Variants in UBR1 observed in about 807,000 individuals in gnomAD.
The protein encoded by UBR1 is ubiquitin protein ligase E3 component n-recognin 1, also known as E3 ubiquitin-protein ligase UBR1.
Under a neutral mutation model 242.1 loss-of-function variants are expected in UBR1, and 102 were observed. The ratio of observed to expected loss-of-function variants is 0.42; its 90% CI spans 0.36 to 0.50. UBR1 has a LOEUF of 0.50. Among genes scored for constraint, UBR1 ranks in the 20% least tolerant of loss-of-function variants. The pLI, the probability that UBR1 is intolerant of heterozygous loss-of-function variation, is 0.01. For synonymous variants in UBR1, 675 were observed against 684.8 expected (o/e 0.99, Z 0.22); for missense variants, 1,772 against 2,101.8 (o/e 0.84, Z 3.07).
At chr15:43,013,528 G>C (rs767277943) in intron 29 of UBR1, among the ~76,000 whole-genome samples, 2 of 152,142 alleles carry the variant, frequency 1.3e-5, no homozygotes, top group Non-Finnish European at 2.9e-5. Flanking sequence ...CAAAGAATTT[G>C]TTTCCAATAA....
Position 43,093,790 on chromosome 15 carries a change from C to CAA in UBR1, c.82-7552_82-7551dup, listed in dbSNP as rs35967267. Reference sequence around the variant, plus strand: ...GGGGAACAGAGTGAGGCTCCGTCTCCAAAAAAAAAAAAAAAAAAAAACCAA... The same window carrying CAA: ...GGGGAACAGAGTGAGGCTCCGTCTCCAAAAAAAAAAAAAAAAAAAAAAACCAA... On this transcript the variant is annotated intron_variant, in intron 1 of 46. Transcript: ENST00000290650. 5.2e-3 allele frequency among the ~76,000 whole-genome samples: 272 copies of CAA among 51,856 alleles called. 1 individual carries two copies. The highest frequency in any genetic ancestry group is 0.015 in the African/African-American group (202 of 13,772). The allele number at this position is 51,856 out of a possible 152,430, so 34.0% of individuals were successfully genotyped here.
At chr15:43,015,332 T>A (rs2033004124) in intron 29 of UBR1, among the ~76,000 whole-genome samples, 1 of 152,156 alleles carries the variant, frequency 6.6e-6, no homozygotes, top group Non-Finnish European at 1.5e-5. Context: ...CCTGTTGATC[T>A]ATGACCTTAC....
intron 33 of UBR1, among the ~76,000 whole-genome samples, chr15:42,995,281 T>C (rs1405538997): frequency 1.3e-5 from 2 of 152,076 alleles, no homozygotes; most frequent in Non-Finnish European, 2.9e-5. Flanking sequence ...AAAAAGAAAC[T>C]AAATTCACAT....
intron 23 of UBR1, 72 bp downstream of exon 23, chr15:43,026,489 A>G: frequency 6.0e-6 from 8 of 1,340,262 alleles, no homozygotes; most frequent in Non-Finnish European, 7.5e-6. Flanking sequence ...TAGAAAAAGC[A>G]GAAAATTTTC....
intron 29 of UBR1, among the ~76,000 whole-genome samples, chr15:43,011,319 A>G (rs2032920494): frequency 6.6e-6 from 1 of 152,218 alleles, no homozygotes; most frequent in African/African-American, 2.4e-5. Flanking sequence ...TCAACACTGC[A>G]CACTTCTCTA....
intron 29 of UBR1, among the ~76,000 whole-genome samples, chr15:43,013,320 T>C (rs1285942148): frequency 6.6e-6 from 1 of 152,190 alleles, no homozygotes; most frequent in Non-Finnish European, 1.5e-5. Flanking sequence ...TTATGTCTCC[T>C]CCCTTTTATC....
intron 1 of UBR1, among the ~76,000 whole-genome samples, chr15:43,103,648 C>G (rs952165941): frequency 2.0e-5 from 3 of 152,144 alleles, no homozygotes; most frequent in Admixed American, 6.6e-5. Flanking sequence ...ACAGCCTTCA[C>G]GCTTACTAAT....
chr15:43,031,388 C>T (rs2033255680), intron 20 of UBR1, among the ~76,000 whole-genome samples: 1 of 152,110 alleles, frequency 6.6e-6, no homozygotes, highest in African/African-American at 2.4e-5. Flanking sequence ...ACTCTAAGGA[C>T]AAATGCAAAA....
intron 30 of UBR1, among the ~76,000 whole-genome samples, chr15:43,005,259 C>A (rs1433445375): frequency 6.6e-6 from 1 of 151,910 alleles, no homozygotes; most frequent in Non-Finnish European, 1.5e-5. Context: ...GCAGCCTCTG[C>A]CCGGCCAGCT....
intron 39 of UBR1, among the ~76,000 whole-genome samples, chr15:42,973,770 A>G (rs1043663905): frequency 1.3e-5 from 2 of 151,968 alleles, no homozygotes; most frequent in Non-Finnish European, 2.9e-5. Flanking sequence ...TAATTTTATT[A>G]TAATGAAGTC....
intron 32 of UBR1, among the ~76,000 whole-genome samples, chr15:42,998,476 C>T (rs1402482185): frequency 6.6e-6 from 1 of 152,194 alleles, no homozygotes; most frequent in African/African-American, 2.4e-5. Context: ...TCACCACCCA[C>T]ATGCCAATCA....
chr15:43,023,230 C>T (rs1027295543), intron 25 of UBR1, among the ~76,000 whole-genome samples: 6 of 152,042 alleles, frequency 3.9e-5, no homozygotes, highest in Non-Finnish European at 7.4e-5. Context: ...GTAAAAAACA[C>T]GGAAAGGTTT....
chr15:43,080,280 A>T (rs2033961051), intron 3 of UBR1, among the ~76,000 whole-genome samples: 1 of 152,232 alleles, frequency 6.6e-6, no homozygotes, highest in Non-Finnish European at 1.5e-5. Flanking sequence ...CCATCTAAAA[A>T]TATAAAAACA....
intron 1 of UBR1, among the ~76,000 whole-genome samples, chr15:43,099,594 T>C (rs2141371819): frequency 6.6e-6 from 1 of 152,248 alleles, no homozygotes; most frequent in Non-Finnish European, 1.5e-5. Context: ...CTCAATAATG[T>C]TAATATCTCT....
intron 32 of UBR1, 107 bp downstream of exon 32, chr15:43,002,447 CT>C: frequency 2.3e-6 from 3 of 1,315,006 alleles, no homozygotes; most frequent in South Asian, 2.5e-5. Flanking sequence ...TCTCGAACCC[CT>C]GAGCTCTGGC....
At chr15:43,082,774 G>A in intron 2 of UBR1, 58 bp from the exon 3 acceptor site, 3 of 1,261,112 alleles carry the variant, frequency 2.4e-6, no homozygotes, top group Admixed American at 1.7e-5. Context: ...GATGCTCAAG[G>A]TATGACTATA....
chr15:43,064,422 A>C (rs2033728140), intron 6 of UBR1, among the ~76,000 whole-genome samples: 1 of 152,134 alleles, frequency 6.6e-6, no homozygotes, highest in Non-Finnish European at 1.5e-5. Context: ...ACAGGAAAAA[A>C]ATTTTTCTAA....
rs145543273 is a variant in UBR1 at position 43,081,615 on chromosome 15, T to C, written c.417+1023A>G. Reference sequence around the variant, plus strand: ...TTTACTACTGATCATTTGTATATATTCTTGATGAAGTGTCTATTCAGATAT... The same window carrying C: ...TTTACTACTGATCATTTGTATATATCCTTGATGAAGTGTCTATTCAGATAT... On this transcript the variant is annotated intron_variant, in intron 3 of 46. Transcript: ENST00000290650. 1.5e-3 allele frequency among the ~76,000 whole-genome samples: 228 copies of C among 152,276 alleles called. 1 individual carries two copies. The highest frequency in any genetic ancestry group is 0.014 in the Middle Eastern group (4 of 294).
At position 42,944,417 on chromosome 15, in the gene UBR1, C is replaced by A. The variant is rs1003866116; in HGVS notation, c.*912G>T. ...TCTTTTACAAAGATATAGAAGACTG[C>A]GGAATTGGTTTAAATCTGATTGTTC... On this transcript the variant is annotated 3_prime_UTR_variant, in exon 47 of 47. Coordinates refer to ENST00000290650, the MANE Select transcript of UBR1 (RefSeq NM_174916.3). 1 of 152,318 alleles carries A rather than the reference C, an allele frequency of 6.6e-6. No individual in the cohort carries two copies. The highest frequency in any genetic ancestry group is 6.5e-5 in the Admixed American group (1 of 15,270). 9.4% of individuals were successfully genotyped at this position (152,318 alleles called of 1,614,324 possible). A position where few individuals can be genotyped will look rare whatever the true frequency, so the allele number is the denominator to read the frequency against.
Sources: gnomAD v4.1 joint callset for allele counts (sites outside exome capture counted in the v4.1 genomes callset) on GRCh38, gnomAD v4.1.1 for gene constraint, MANE v1.5 for transcripts, NCBI Gene and HGNC (gene_info 2026-07-23, HGNC 2026-07-21) for gene names.